LRCH2: variants seen among roughly 807,000 people sequenced by gnomAD.
The protein encoded by LRCH2 is leucine rich repeats and calponin homology domain containing 2.
In LRCH2, 38 loss-of-function variants were observed where a neutral mutation model predicts 68.9. That is an observed-to-expected ratio of 0.55 (90% confidence interval 0.43 to 0.72). The LOEUF (loss-of-function observed/expected upper bound fraction) is 0.72. Among genes scored for constraint, LRCH2 ranks in the 30% least tolerant of loss-of-function variants. The probability of loss-of-function intolerance (pLI) is 0.00; values close to 1 mark genes in which losing one functional copy is unlikely to be tolerated. For missense variants in LRCH2, 528 were observed against 572.9 expected (o/e 0.92, Z 0.80); for synonymous variants, 191 against 208.1 (o/e 0.92, Z 0.71).
At chrX:115,137,461 C>A (rs970715940) in intron 14 of LRCH2, among the ~76,000 whole-genome samples, 2 of 108,060 alleles carry the variant, frequency 1.9e-5, no homozygotes, top group Admixed American at 2.0e-4. Flanking sequence ...AAATGAGGAT[C>A]AGACCCTAAG....
Position 115,191,332 on chromosome X carries a change from G to C in LRCH2, c.350-2962C>G, listed in dbSNP as rs201518011. 2.0e-3 allele frequency: 2,321 copies of C among 1,144,977 alleles called. 7 individuals are homozygous for C. Among genetic ancestry groups the C allele is most frequent in the Middle Eastern group, 0.01 (43 of 4,186 alleles). The allele number at this position is 1,144,977 out of a possible 1,213,427, so 94.4% of individuals were successfully genotyped here. ...CCGCTACGGAGGAGGAGGCCGCTACGAGGAGTACCGAGGCCGCTCCCTTGA... is the reference window on the plus strand; with the variant it reads ...CCGCTACGGAGGAGGAGGCCGCTACCAGGAGTACCGAGGCCGCTCCCTTGA... On this transcript the variant is annotated intron_variant, in intron 1 of 20. Transcript: ENST00000317135.
intron 1 of LRCH2, among the ~76,000 whole-genome samples, chrX:115,197,847 T>TCTCTCTCACACACA (rs782358260): frequency 5.3e-4 from 11 of 20,569 alleles, no homozygotes; most frequent in Non-Finnish European, 7.4e-4. Context: ...TCTCTCTCTC[T>TCTCTCTCACACACA]CACACACACA....
intron 15 of LRCH2, among the ~76,000 whole-genome samples, chrX:115,128,881 A>G (rs2072220165): frequency 9.0e-6 from 1 of 111,660 alleles, no homozygotes; most frequent in African/African-American, 3.3e-5. Flanking sequence ...AACATACCAC[A>G]TGTCAATTAA....
At chrX:115,152,711 C>A (rs2072441662) in intron 12 of LRCH2, among the ~76,000 whole-genome samples, 1 of 110,321 alleles carries the variant, frequency 9.1e-6, no homozygotes, top group African/African-American at 3.3e-5. Context: ...GAAATAAGGG[C>A]CCCAAAATTT....
rs2072204350 is a variant in LRCH2 at position 115,126,831 on chromosome X, C to G, written c.1791+12G>C. 1.8e-6 allele frequency: 2 copies of G among 1,084,231 alleles called. No homozygotes were observed. The highest frequency in any genetic ancestry group is 1.9e-5 in the African/African-American group (1 of 51,686). The allele number at this position is 1,084,231 out of a possible 1,213,427, so 89.4% of individuals were successfully genotyped here. On this transcript the variant is annotated intron_variant, in intron 16 of 20. Coordinates refer to ENST00000317135, the MANE Select transcript of LRCH2 (RefSeq NM_020871.4). ...AACGTATTTTTAAGACAAATAAAAA[C>G]AGAACTTGTACCTCAGATGATACTG...
chrX:115,133,503 G>A (rs1556530983), intron 14 of LRCH2, among the ~76,000 whole-genome samples: 1 of 112,033 alleles, frequency 8.9e-6, no homozygotes, highest in African/African-American at 3.2e-5. Context: ...TTCAAAATGT[G>A]CAGAAAAAGT....
rs1012604820 is a variant in LRCH2, at chrX:115,140,687, T to C, written c.1695+9140A>G. 1.4e-4 allele frequency among the ~76,000 whole-genome samples: 16 copies of C among 110,965 alleles called. 1 individual carries two copies. On this transcript the variant is annotated intron_variant, in intron 14 of 20. Transcript: ENST00000317135. ...AGAGCCCTTGGGCTTTAACAGAACA[T>C]GAGCAGCGGGCTAGCAGAACCTCCC...
At chrX:115,130,005 T>A in intron 15 of LRCH2, 150 bp downstream of exon 15, 1 of 361,263 alleles carries the variant, frequency 2.8e-6, no homozygotes, top group Non-Finnish European at 4.9e-6. Context: ...AATTGTATGA[T>A]GATGCTCATA....
At chrX:115,130,719 A>G (rs2072236490) in intron 14 of LRCH2, among the ~76,000 whole-genome samples, 1 of 111,732 alleles carries the variant, frequency 8.9e-6, no homozygotes. Context: ...TGATTGTTCA[A>G]TAACTGTAAT....
Position 115,190,297 on chromosome X carries a change from G to T in LRCH2, c.350-1927C>A, listed in dbSNP as rs781949823. On this transcript the variant is annotated intron_variant, in intron 1 of 20. Coordinates refer to ENST00000317135, the MANE Select transcript of LRCH2 (RefSeq NM_020871.4). ...CGACGGCAACCAAAATGGCTACAGG[G>T]GTCGCGACCATGAGTACACAGATCA... The T allele has an allele frequency of 4.8e-4, 555 of 1,150,005 alleles. No individual in the cohort carries two copies. In the African/African-American group the frequency reaches 8.7e-3, roughly 18 times the overall value. The allele number at this position is 1,150,005 out of a possible 1,213,427, so 94.8% of individuals were successfully genotyped here. A position where few individuals can be genotyped will look rare whatever the true frequency, so the allele number is the denominator to read the frequency against.
At chrX:115,195,060 G>A (rs892528552) in intron 1 of LRCH2, among the ~76,000 whole-genome samples, 2 of 110,918 alleles carry the variant, frequency 1.8e-5, no homozygotes, top group African/African-American at 3.3e-5. Context: ...CGAGGTGGGC[G>A]GATCACAAGG....
intron 1 of LRCH2, among the ~76,000 whole-genome samples, chrX:115,229,473 A>G (rs2073139766): frequency 8.9e-6 from 1 of 112,122 alleles, no homozygotes; most frequent in African/African-American, 3.2e-5. Flanking sequence ...AGCTGTATAA[A>G]TGGTATTATC....
rs781797965 is a variant in LRCH2, at chrX:115,192,323, G to A, written c.350-3953C>T. ...CGAGGCCCCTCGCCTGACGCCCACAGTGGGGGCCGCGACAGTTCCATCAAG... is the reference window on the plus strand; with the variant it reads ...CGAGGCCCCTCGCCTGACGCCCACAATGGGGGCCGCGACAGTTCCATCAAG... On this transcript the variant is annotated intron_variant, in intron 1 of 20. Transcript: ENST00000317135. The A allele has an allele frequency of 5.1e-4, 547 of 1,080,307 alleles. No individual in the cohort carries two copies. The African/African-American group carries it at 8.8e-3, about 17-fold the overall frequency. The allele number at this position is 1,080,307 out of a possible 1,213,427, so 89.0% of individuals were successfully genotyped here.
intron 1 of LRCH2, chrX:115,192,919 C>T (rs782803080): frequency 3.3e-6 from 1 of 303,618 alleles, no homozygotes; most frequent in South Asian, 5.1e-5. Flanking sequence ...CGATTAATGG[C>T]TTCTTCCCTT....
At chrX:115,149,702 A>C in intron 14 of LRCH2, 125 bp downstream of exon 14, 1 of 428,801 alleles carries the variant, frequency 2.3e-6, no homozygotes. Context: ...ATATGTGAGA[A>C]ATCAAAATAA....
chrX:115,123,870 G>A, intron 17 of LRCH2, 75 bp downstream of exon 17: 1 of 632,881 alleles, frequency 1.6e-6, no homozygotes. Context: ...TAAGACTATG[G>A]AATCAATCCC....
intron 14 of LRCH2, among the ~76,000 whole-genome samples, chrX:115,136,417 A>G (rs2147358227): frequency 8.9e-6 from 1 of 111,954 alleles, no homozygotes; most frequent in African/African-American, 3.2e-5. Flanking sequence ...TACTTATAAT[A>G]CTGAATACAA....
Position 115,149,955 on chromosome X carries a change from C to A in LRCH2, c.1579-12G>T. On this transcript the variant is annotated splice_polypyrimidine_tract_variant and intron_variant, in intron 13 of 20. Coordinates refer to ENST00000317135, the MANE Select transcript of LRCH2 (RefSeq NM_020871.4). ...TGATTTTCTAAGGGCTATAATGAGA[C>A]AATTTATTTTAACTAAATAAAAGAG... 1 of 1,163,277 alleles carries A rather than the reference C, an allele frequency of 8.6e-7. No homozygotes were observed. The highest frequency in any genetic ancestry group is 1.2e-6 in the Non-Finnish European group (1 of 861,342).
At chrX:115,136,539 T>C (rs1046658199) in intron 14 of LRCH2, among the ~76,000 whole-genome samples, 3 of 110,684 alleles carry the variant, frequency 2.7e-5, no homozygotes, top group Admixed American at 9.7e-5. Context: ...GCTGAATGCA[T>C]GTGGAACCTG....
Sources: allele counts gnomAD v4.1 joint callset (sites outside exome capture counted in the v4.1 genomes callset), GRCh38; gene constraint gnomAD v4.1.1; transcripts MANE v1.5; gene names NCBI Gene and HGNC (gene_info 2026-07-23, HGNC 2026-07-21).